Variants in ANO1 observed in about 807,000 individuals in gnomAD.
ANO1 encodes the protein anoctamin 1.
Under a neutral mutation model 124.0 loss-of-function variants are expected in ANO1, and 59 were observed. The ratio of observed to expected loss-of-function variants is 0.48; its 90% CI spans 0.39 to 0.59. The LOEUF (loss-of-function observed/expected upper bound fraction) is 0.59. ANO1 is among the 20% of genes least tolerant of loss of function. The pLI is 0.00. For missense variants in ANO1, 1,059 were observed against 1,328.0 expected (o/e 0.80, Z 3.15); for synonymous variants, 529 against 532.0 (o/e 0.99, Z 0.08).
intron 11 of ANO1, among the ~76,000 whole-genome samples, chr11:70,142,851 C>T (rs1305326280): frequency 6.6e-6 from 1 of 152,156 alleles, no homozygotes; most frequent in East Asian, 1.9e-4. Flanking sequence ...ACAGGAAGCC[C>T]GTTCTCTGTT....
rs376839141 is a variant in ANO1, at chr11:70,182,171, G to T, written c.2404-331G>T. On this transcript the variant is annotated intron_variant, in intron 23 of 25. Coordinates refer to ENST00000355303, the MANE Select transcript of ANO1 (RefSeq NM_018043.7). ...GGTGTTGTTAGCCCTGTTTTGACAA[G>T]AAGAAAATGGAGGCACAGAGAGGTT... Among the ~76,000 whole-genome samples the T allele has an allele frequency of 1.7e-4, 25 of 151,306 alleles. No homozygotes were observed. The East Asian group carries it at 2.5e-3, about 15-fold the overall frequency.
chr11:69,990,860 A>G (rs782054624), intron 1 of ANO1, among the ~76,000 whole-genome samples: 6 of 152,174 alleles, frequency 3.9e-5, no homozygotes, highest in African/African-American at 7.2e-5. Context: ...GAGCTTGGAT[A>G]TTAAACTTTT....
chr11:70,119,011 A>T (rs1291869467), intron 8 of ANO1, among the ~76,000 whole-genome samples: 1 of 102,752 alleles, frequency 9.7e-6, no homozygotes, highest in East Asian at 3.4e-4. Context: ...ATGATAGATG[A>T]TGGGTGGGTG....
chr11:70,087,758 A>T lies in ANO1; in HGVS notation c.115A>T (p.Asn39Tyr), dbSNP rs367781748. ...TCTTTTCTTCCACCCTTAGCTGCTGAACTCCTTATCTGTGGACCCTGATGC... is the reference window on the plus strand; with the variant it reads ...TCTTTTCTTCCACCCTTAGCTGCTGTACTCCTTATCTGTGGACCCTGATGC... ...GYLPSEGTLL[N>Y]SLSVDPDAEC... is the part of the protein sequence containing the mutation. The change falls in exon 2 of 26, where the codon AAC (asparagine) becomes TAC (tyrosine). Residue 39 changes from asparagine (N) to tyrosine (Y), a missense_variant. Around this residue, in one of 2 missense-constraint regions of ANO1, gnomAD observed 250 missense variants for 233.1 expected, o/e 1.07. Transcript: ENST00000355303. 1.3e-5 allele frequency: 20 copies of T among 1,594,374 alleles called. No individual in the cohort carries two copies. The African/African-American group carries it at 2.0e-4, about 16-fold the overall frequency.
intron 1 of ANO1, among the ~76,000 whole-genome samples, chr11:70,065,981 T>C (rs1365935447): frequency 6.6e-6 from 1 of 152,210 alleles, no homozygotes; most frequent in Non-Finnish European, 1.5e-5. Context: ...CCATCTGATA[T>C]TCCTGTGTAT....
intron 12 of ANO1, among the ~76,000 whole-genome samples, 180 bp from the exon 13 acceptor site, chr11:70,152,270 G>T (rs1477084646): frequency 1.4e-5 from 2 of 146,698 alleles, no homozygotes; most frequent in African/African-American, 5.1e-5. Flanking sequence ...GGGAGGCAGA[G>T]CTTGCAGTGA....
At chr11:69,997,966 T>G (rs782454913) in intron 1 of ANO1, among the ~76,000 whole-genome samples, 2 of 152,122 alleles carry the variant, frequency 1.3e-5, no homozygotes, top group Non-Finnish European at 2.9e-5. Flanking sequence ...TTACCCAGGC[T>G]TCAATATTTC....
At chr11:70,004,577 G>T (rs1366079258) in intron 1 of ANO1, among the ~76,000 whole-genome samples, 1 of 152,200 alleles carries the variant, frequency 6.6e-6, no homozygotes. Flanking sequence ...AGAATAAAGC[G>T]TGTCGCGACG....
chr11:70,152,791 A>AGGCT (rs957246520), intron 13 of ANO1, among the ~76,000 whole-genome samples: 2 of 152,240 alleles, frequency 1.3e-5, no homozygotes, highest in African/African-American at 4.8e-5. Flanking sequence ...AGCCTGGTAC[A>AGGCT]GGCTTCTCCA....
chr11:69,971,669 G>A, the ANO1 span, among the ~76,000 whole-genome samples: 2 of 152,000 alleles, frequency 1.3e-5, no homozygotes, highest in Non-Finnish European at 1.5e-5. Flanking sequence ...ATGGACTGGG[G>A]CTGTCGGAGG....
At chr11:69,967,296 G>A in the ANO1 span, among the ~76,000 whole-genome samples, 4 of 152,232 alleles carry the variant, frequency 2.6e-5, no homozygotes, top group Admixed American at 6.5e-5. Context: ...GGCTCCGAGC[G>A]CCTGTATCGC....
At chr11:70,113,141 G>A (rs377413442) in intron 7 of ANO1, among the ~76,000 whole-genome samples, 6 of 147,526 alleles carry the variant, frequency 4.1e-5, no homozygotes, top group African/African-American at 9.9e-5. Context: ...CACCCCAGGC[G>A]GACAGAAGCA....
chr11:70,087,944 C>G lies in ANO1; in HGVS notation c.301C>G (p.Leu101Val), dbSNP rs907102650. 7 of 1,601,640 alleles carry G rather than the reference C, an allele frequency of 4.4e-6. No homozygotes were observed. Among genetic ancestry groups the G allele is most frequent in the Middle Eastern group, 1.7e-4 (1 of 6,054 alleles). ...GARSVKQDHP[L>V]PGKGASLDAG... ...TCGCAGCGTCAAGCAGGACCACCCCCTGCCGGGCAAGGGGGCGTCGCTGGA... is the reference window on the plus strand; with the variant it reads ...TCGCAGCGTCAAGCAGGACCACCCCGTGCCGGGCAAGGGGGCGTCGCTGGA... Residue 101 changes from leucine to valine, a missense_variant, in exon 2 of 26, where the codon CTG (leucine) becomes GTG (valine). This residue lies in a region of ANO1 where 250 missense variants were observed against 233.1 expected (regional missense o/e 1.07). Coordinates refer to ENST00000355303, the MANE Select transcript of ANO1 (RefSeq NM_018043.7).
At chr11:70,173,557 C>G (rs774457273) in intron 22 of ANO1, among the ~76,000 whole-genome samples, 1 of 152,198 alleles carries the variant, frequency 6.6e-6, no homozygotes, top group Non-Finnish European at 1.5e-5. Context: ...CCACAGCCCT[C>G]CATGGCCAGA....
chr11:70,002,445 C>T (rs1554999434), intron 1 of ANO1, among the ~76,000 whole-genome samples: 2 of 108,618 alleles, frequency 1.8e-5, no homozygotes, highest in African/African-American at 3.4e-5. Flanking sequence ...GCCTGGGCAA[C>T]AAAGCGAGAC....
At chr11:70,184,147 C>A (rs2049024335) in intron 24 of ANO1, among the ~76,000 whole-genome samples, 1 of 152,190 alleles carries the variant, frequency 6.6e-6, no homozygotes, top group African/African-American at 2.4e-5. Flanking sequence ...CTCATGGGGG[C>A]ATTTTCTGTC....
chr11:69,977,449 G>A, the ANO1 span, among the ~76,000 whole-genome samples: 1 of 152,230 alleles, frequency 6.6e-6, no homozygotes, highest in Admixed American at 6.5e-5. Context: ...AGAGCAGTGG[G>A]CTGACAGATC....
chr11:70,184,005 C>T (rs2049019008), intron 24 of ANO1, among the ~76,000 whole-genome samples: 1 of 152,158 alleles, frequency 6.6e-6, no homozygotes, highest in Non-Finnish European at 1.5e-5. Context: ...GGGCGAGCAC[C>T]AGGGATGTGG....
intron 1 of ANO1, among the ~76,000 whole-genome samples, chr11:70,033,716 A>G (rs1417320262): frequency 6.6e-6 from 1 of 152,134 alleles, no homozygotes; most frequent in East Asian, 1.9e-4. Context: ...ACTCCCATCC[A>G]TAGGCCATTT....
Sources: allele counts gnomAD v4.1 joint callset (sites outside exome capture counted in the v4.1 genomes callset), GRCh38; gene constraint gnomAD v4.1.1; regional missense constraint gnomAD v4.1.1; transcripts MANE v1.5; gene names NCBI Gene and HGNC (gene_info 2026-07-23, HGNC 2026-07-21).